SMARCA2: variants seen among roughly 807,000 people sequenced by gnomAD.
The protein encoded by SMARCA2 is SWI/SNF-related matrix-associated actin-dependent regulator of chromatin subfamily A member 2.
In SMARCA2, 61 loss-of-function variants were observed where a neutral mutation model predicts 199.8. The ratio of observed to expected loss-of-function variants is 0.31; its 90% CI spans 0.25 to 0.38. The LOEUF (loss-of-function observed/expected upper bound fraction) is 0.38. Among genes scored for constraint, SMARCA2 ranks in the 10% least tolerant of loss-of-function variants. The probability of loss-of-function intolerance (pLI) is 1.00; values close to 1 mark genes in which losing one functional copy is unlikely to be tolerated. For missense variants in SMARCA2, 1,344 were observed against 2,012.2 expected, an observed-to-expected ratio of 0.67 and a Z score of 6.35; for synonymous variants, 935 against 732.0, an observed-to-expected ratio of 1.28 and a Z score of -4.48.
At chr9:2,026,136 G>T (rs1334508660) in intron 1 of SMARCA2, among the ~76,000 whole-genome samples, 1 of 152,114 alleles carries the variant, frequency 6.6e-6, no homozygotes, top group Non-Finnish European at 1.5e-5. Flanking sequence ...CAGAACCCAG[G>T]TCTCTCAGCT....
intron 31 of SMARCA2, among the ~76,000 whole-genome samples, chr9:2,183,105 C>A (rs1827173254): frequency 1.3e-5 from 2 of 152,174 alleles, no homozygotes; most frequent in African/African-American, 2.4e-5. Flanking sequence ...AGCTTATATT[C>A]TAATTAGAGG....
intron 28 of SMARCA2, among the ~76,000 whole-genome samples, chr9:2,164,850 C>A (rs958727832): frequency 6.6e-6 from 1 of 152,208 alleles, no homozygotes; most frequent in Non-Finnish European, 1.5e-5. Context: ...TTAGCTCCCA[C>A]ATTTAGATGC....
chr9:2,094,244 C>T (rs1822178291), intron 19 of SMARCA2, among the ~76,000 whole-genome samples: 1 of 152,064 alleles, frequency 6.6e-6, no homozygotes, highest in Non-Finnish European at 1.5e-5. Flanking sequence ...TATTAAATGC[C>T]CTAATTGTGT....
chr9:2,184,905 A>ATC (rs2129925804), intron 31 of SMARCA2, among the ~76,000 whole-genome samples: 1 of 152,042 alleles, frequency 6.6e-6, no homozygotes, highest in East Asian at 1.9e-4. Context: ...CACTGCCTAT[A>ATC]TTGTTCATTT....
chr9:2,183,667 G>C (rs767280225), intron 31 of SMARCA2, among the ~76,000 whole-genome samples: 2 of 152,150 alleles, frequency 1.3e-5, no homozygotes, highest in Non-Finnish European at 2.9e-5. Flanking sequence ...AATGTGCCTT[G>C]AACAGACTTA....
At chr9:2,071,312 C>T (rs758175566) in intron 10 of SMARCA2, among the ~76,000 whole-genome samples, 2 of 152,122 alleles carry the variant, frequency 1.3e-5, no homozygotes, top group Non-Finnish European at 2.9e-5. Context: ...GTTACTTAAC[C>T]ACTATAATCT....
chr9:2,105,351 T>G (rs1203591757), intron 23 of SMARCA2, among the ~76,000 whole-genome samples: 1 of 152,180 alleles, frequency 6.6e-6, no homozygotes, highest in African/African-American at 2.4e-5. Flanking sequence ...GTTCAGGTGA[T>G]TCTCCTGCCT....
intron 23 of SMARCA2, among the ~76,000 whole-genome samples, chr9:2,109,633 G>C (rs77882271): frequency 1.5e-4 from 11 of 71,126 alleles, no homozygotes; most frequent in Non-Finnish European, 2.5e-4. Flanking sequence ...GATTTCTTGT[G>C]GGGGGGGTGG....
In SMARCA2 at chr9:2,039,894, C is replaced by G; in HGVS notation, c.784C>G (p.Pro262Ala). 2.5e-6 allele frequency: 4 copies of G among 1,613,802 alleles called. No individual in the cohort carries two copies. The highest frequency in any genetic ancestry group is 3.4e-6 in the Non-Finnish European group (4 of 1,179,984). ...GCCGGCCCTTGTTAACTACAACAGACCATCTGGTAGGTTAATACGCAACCA... is the reference window on the plus strand; with the variant it reads ...GCCGGCCCTTGTTAACTACAACAGAGCATCTGGTAGGTTAATACGCAACCA... ...QQPALVNYNRPSGPGPELSGP... is the reference protein window; with the variant it reads ...QQPALVNYNRASGPGPELSGP... Residue 262 changes from proline to alanine, a missense_variant, in exon 4 of 34, where the codon CCA becomes GCA. Physicochemically the swap from Pro to Ala is conservative, Grantham distance 27. Transcript: ENST00000349721. The surrounding 1 kb of genome is among the most constrained non-coding windows in gnomAD (Gnocchi z 4.8).
chr9:2,087,282 C>T, intron 18 of SMARCA2: 1 of 582,232 alleles, frequency 1.7e-6, no homozygotes, highest in African/African-American at 1.9e-5. Flanking sequence ...GGGCATCTAA[C>T]CCCTTTGTCT....
chr9:2,171,052 A>T (rs1294186122), intron 29 of SMARCA2, among the ~76,000 whole-genome samples: 5 of 152,204 alleles, frequency 3.3e-5, no homozygotes, highest in African/African-American at 1.2e-4. Flanking sequence ...ATCTAAAGCC[A>T]GTCTCTTTCA....
intron 32 of SMARCA2, among the ~76,000 whole-genome samples, chr9:2,187,205 G>T (rs10965130): frequency 1.3e-5 from 2 of 151,272 alleles, no homozygotes; most frequent in East Asian, 2.0e-4. Context: ...GATTTGGGGG[G>T]CATTAATTTG....
intron 2 of SMARCA2, among the ~76,000 whole-genome samples, chr9:2,030,095 G>T (rs1486712664): frequency 6.6e-6 from 1 of 152,216 alleles, no homozygotes; most frequent in African/African-American, 2.4e-5. Flanking sequence ...CACTCCTTGG[G>T]ATGATATCAC....
rs571457471 is a variant in SMARCA2, at chr9:2,086,751, C to T, written c.2527-78C>T. 3.4e-5 allele frequency: 53 copies of T among 1,540,718 alleles called. No individual in the cohort carries two copies. The highest frequency in any genetic ancestry group is 1.6e-4 in the East Asian group (7 of 44,526). On this transcript the variant is annotated intron_variant, in intron 17 of 33. Coordinates refer to ENST00000349721, the MANE Select transcript of SMARCA2 (RefSeq NM_003070.5). The surrounding 1 kb of genome is among the most constrained non-coding windows in gnomAD (Gnocchi z 4.3). ...ACCAAGGATGGGTTCTTTGGTTTTC[C>T]GCACCACCACTTGCTTGTTGGAAAT...
intron 17 of SMARCA2, among the ~76,000 whole-genome samples, chr9:2,085,509 A>C (rs1396915744): frequency 2.6e-5 from 4 of 152,232 alleles, no homozygotes; most frequent in Non-Finnish European, 5.9e-5. Flanking sequence ...AAGTAGATTT[A>C]GGATATTTAT....
intron 27 of SMARCA2, chr9:2,160,669 A>G: frequency 1.4e-6 from 1 of 694,420 alleles, no homozygotes; most frequent in South Asian, 1.5e-5. Context: ...AGGATTGATT[A>G]TCATTTGCAT....
intron 31 of SMARCA2, among the ~76,000 whole-genome samples, chr9:2,184,865 G>A (rs945643466): frequency 1.4e-5 from 2 of 143,622 alleles, no homozygotes; most frequent in African/African-American, 2.6e-5. Context: ...TCTCTCTCGC[G>A]CGGGTCCTTT....
At chr9:2,176,145 T>A (rs1826572665) in intron 29 of SMARCA2, among the ~76,000 whole-genome samples, 2 of 150,528 alleles carry the variant, frequency 1.3e-5, no homozygotes, top group Admixed American at 1.3e-4. Context: ...CCTCCCAAAG[T>A]GCTGGGATTA....
At chr9:2,141,270 C>G (rs908664489) in intron 27 of SMARCA2, among the ~76,000 whole-genome samples, 2 of 152,162 alleles carry the variant, frequency 1.3e-5, no homozygotes, top group African/African-American at 2.4e-5. Flanking sequence ...CTTTTAATTC[C>G]TTTAAAGATT....
Sources: allele counts gnomAD v4.1 joint callset (sites outside exome capture counted in the v4.1 genomes callset), GRCh38; gene constraint gnomAD v4.1.1; non-coding constraint Gnocchi (gnomAD v3.1); transcripts MANE v1.5; gene names NCBI Gene and HGNC (gene_info 2026-07-23, HGNC 2026-07-21).